SRRM3: variants seen among roughly 807,000 people sequenced by gnomAD.
SRRM3 encodes the protein serine/arginine repetitive matrix protein 3.
In SRRM3, 27 loss-of-function variants were observed where a neutral mutation model predicts 66.2. That is an observed-to-expected ratio of 0.41 (90% CI 0.30 to 0.56). SRRM3 has a LOEUF of 0.56. Ranked by LOEUF, SRRM3 falls within the 20% of genes least tolerant of loss-of-function variation. SRRM3 has a pLI of 0.32. For synonymous variants in SRRM3, 391 were observed against 414.9 expected, an observed-to-expected ratio of 0.94 and a Z score of 0.70; for missense variants, 918 against 991.9, an observed-to-expected ratio of 0.93 and a Z score of 1.00.
intron 3 of SRRM3, among the ~76,000 whole-genome samples, chr7:76,250,542 C>T (rs980243170): frequency 2.0e-5 from 3 of 152,080 alleles, no homozygotes; most frequent in South Asian, 2.1e-4. Context: ...TCTTAGTCAT[C>T]GTAAAGGCTG....
chr7:76,210,061 A>C (rs1554601587), intron 1 of SRRM3, among the ~76,000 whole-genome samples: 1 of 152,198 alleles, frequency 6.6e-6, no homozygotes, highest in Non-Finnish European at 1.5e-5. Context: ...GAGGTCAGGG[A>C]GGTGTCTGTC....
intron 11 of SRRM3, chr7:76,267,906 C>T (rs1354569513): frequency 1.3e-5 from 2 of 153,130 alleles, no homozygotes; most frequent in East Asian, 1.9e-4. Context: ...CCTGGCCCCA[C>T]CTCTGAGCAC....
At chr7:76,240,619 C>CAAA (rs200938394) in intron 2 of SRRM3, among the ~76,000 whole-genome samples, 2 of 91,802 alleles carry the variant, frequency 2.2e-5, no homozygotes, top group Non-Finnish European at 5.2e-5. Context: ...GACTCCATCT[C>CAAA]AAAAAAAAAA....
chr7:76,260,416 C>T (rs1373277174), intron 5 of SRRM3, among the ~76,000 whole-genome samples: 1 of 139,414 alleles, frequency 7.2e-6, no homozygotes, highest in Non-Finnish European at 1.6e-5. Flanking sequence ...CGCCCCTCGA[C>T]AAGCCCCTCC....
At chr7:76,266,376 A>C (rs1264499462) in intron 10 of SRRM3, among the ~76,000 whole-genome samples, 3 of 114,062 alleles carry the variant, frequency 2.6e-5, no homozygotes, top group Non-Finnish European at 4.8e-5. Flanking sequence ...TCATATAAAT[A>C]ATATATTTAA....
intron 11 of SRRM3, among the ~76,000 whole-genome samples, chr7:76,272,433 T>C (rs544298591): frequency 5.9e-5 from 9 of 152,160 alleles, no homozygotes; most frequent in Admixed American, 5.2e-4. Flanking sequence ...CCAGATGTGA[T>C]GGTGCATGCC....
intron 2 of SRRM3, among the ~76,000 whole-genome samples, chr7:76,236,765 G>A (rs1429525346): frequency 6.6e-6 from 1 of 152,238 alleles, no homozygotes; most frequent in Non-Finnish European, 1.5e-5. Context: ...GCGGGGAGGA[G>A]GCCCCTTGCA....
At chr7:76,236,083 C>A (rs568439605) in intron 2 of SRRM3, among the ~76,000 whole-genome samples, 2 of 144,246 alleles carry the variant, frequency 1.4e-5, no homozygotes, top group African/African-American at 5.2e-5. Flanking sequence ...GAGGCCGAGG[C>A]GGGTGGATCA....
At chr7:76,236,005 CAAAAAAAAAAAAAA>C (rs1161706465) in intron 2 of SRRM3, among the ~76,000 whole-genome samples, 5 of 20,286 alleles carry the variant, frequency 2.5e-4, no homozygotes, top group African/African-American at 8.0e-4. Context: ...GATTCTGTCT[CAAAAAAAAAAAAAA>C]AAAAAAAAAA....
chr7:76,214,261 C>T (rs898314611), intron 1 of SRRM3, among the ~76,000 whole-genome samples: 1 of 151,308 alleles, frequency 6.6e-6, no homozygotes, highest in African/African-American at 2.5e-5. Flanking sequence ...GCCACTGCTG[C>T]ACCAGGAGCT....
intron 1 of SRRM3, among the ~76,000 whole-genome samples, chr7:76,230,700 GGGAAGGAAGGAA>G (rs782281845): frequency 6.6e-6 from 1 of 151,036 alleles, no homozygotes; most frequent in Non-Finnish European, 1.5e-5. Flanking sequence ...AGGTAAGGAA[GGGAAGGAAGGAA>G]GGAAGGAAGA....
At chr7:76,239,715 A>C (rs1554605375) in intron 2 of SRRM3, among the ~76,000 whole-genome samples, 1 of 152,136 alleles carries the variant, frequency 6.6e-6, no homozygotes, top group African/African-American at 2.4e-5. Context: ...AACAAAAAAC[A>C]AAAACAAAAA....
Position 76,226,059 on chromosome 7 carries a change from G to A in SRRM3, c.-39-8969G>A, listed in dbSNP as rs149352633. Among the ~76,000 whole-genome samples, 553 of 152,248 alleles carry A rather than the reference G, an allele frequency of 3.6e-3. 4 individuals are homozygous for A. The highest frequency in any genetic ancestry group is 0.013 in the African/African-American group (525 of 41,550). ...CCCCCAGACCTGACCAGGTCACTAC[G>A]ATCTGAGCATCTTCTCCCTCTGAGC... is the stretch of plus-strand genomic sequence containing the variant. On this transcript the variant is annotated intron_variant, in intron 1 of 14. Coordinates refer to ENST00000611745, the MANE Select transcript of SRRM3 (RefSeq NM_001110199.3).
At chr7:76,234,896 C>G in intron 1 of SRRM3, 132 bp from the exon 2 acceptor site, 1 of 622,736 alleles carries the variant, frequency 1.6e-6, no homozygotes. Context: ...CCGCTTCCCT[C>G]TGCACCAGGA....
rs1469438056 is a variant in SRRM3 at position 76,281,515 on chromosome 7, G to A, written c.1083G>A (p.Lys361=). 2 of 1,204,750 alleles carry A rather than the reference G, an allele frequency of 1.7e-6. No individual in the cohort carries two copies. The highest frequency in any genetic ancestry group is 2.1e-6 in the Non-Finnish European group (2 of 968,412). The allele number at this position is 1,204,750 out of a possible 1,614,324, so 74.6% of individuals were successfully genotyped here. Residue 361 remains lysine (K), a synonymous_variant, in exon 12 of 15, where the codon AAG becomes AAA. Transcript: ENST00000611745. The stretch of plus-strand genomic sequence containing the variant: ...CACCCACGCCGCCCGCGCGGGGGAA[G>A]GAGAGCCCGAGCCCGCGCTCGGCGC... ...AAAPTPPARG[K]ESPSPRSAPS...
chr7:76,213,471 G>A (rs868918817), intron 1 of SRRM3, among the ~76,000 whole-genome samples: 4 of 152,158 alleles, frequency 2.6e-5, no homozygotes, highest in Non-Finnish European at 5.9e-5. Flanking sequence ...AAATAACATC[G>A]CCCAGCTAAG....
intron 9 of SRRM3, 135 bp from the exon 10 acceptor site, chr7:76,265,229 C>T (rs1554609329): frequency 3.3e-6 from 2 of 603,262 alleles, no homozygotes; most frequent in African/African-American, 1.9e-5. Flanking sequence ...TTATAGGAGA[C>T]TTTAGGGGAC....
At chr7:76,281,225 T>A (rs1234622494) in intron 11 of SRRM3, among the ~76,000 whole-genome samples, 8 of 151,308 alleles carry the variant, frequency 5.3e-5, no homozygotes, top group African/African-American at 1.9e-4. Flanking sequence ...TCTCTCCGTC[T>A]CTTTTTCTCT....
chr7:76,216,096 C>T (rs755266922), intron 1 of SRRM3, among the ~76,000 whole-genome samples: 60 of 151,826 alleles, frequency 4.0e-4, no homozygotes, highest in Middle Eastern at 3.4e-3. Context: ...CGTGAGCCAC[C>T]GCGCCCGGCC....
Sources: allele counts gnomAD v4.1 joint callset (sites outside exome capture counted in the v4.1 genomes callset), GRCh38; gene constraint gnomAD v4.1.1; transcripts MANE v1.5; gene names NCBI Gene and HGNC (gene_info 2026-07-23, HGNC 2026-07-21).